DERA: variants seen among roughly 807,000 people sequenced by gnomAD.
DERA encodes 2-deoxy-D-ribose 5-phosphate aldolase.
In DERA, 15 loss-of-function variants were observed where a neutral mutation model predicts 41.1. The observed-to-expected ratio is 0.37, with a 90% CI of 0.24 to 0.56. The LOEUF is 0.56. Among genes scored for constraint, DERA ranks in the 20% least tolerant of loss-of-function variants. The pLI is 0.81. For missense variants in DERA, 396 were observed against 403.4 expected (o/e 0.98, Z 0.16); for synonymous variants, 139 against 137.4 (o/e 1.01, Z -0.08).
rs1253433836 is a variant in DERA, at chr12:16,017,726, T to C, written c.638-14816T>C. Among the ~76,000 whole-genome samples the C allele has an allele frequency of 6.6e-6, 1 of 152,242 alleles. No individual in the cohort carries two copies. Among genetic ancestry groups the C allele is most frequent in the Non-Finnish European group, 1.5e-5 (1 of 68,022 alleles). On this transcript the variant is annotated intron_variant, in intron 6 of 8. Transcript: ENST00000428559. This position sits in a 1 kb window ranked among gnomAD's most constrained non-coding sequence, Gnocchi z 5.5. Reference sequence around the variant, plus strand: ...GCTTAATTTTTTTCCAAGTGTCCCATTGCAGATTGCAAGTATAAGTTAGTG... The same window carrying C: ...GCTTAATTTTTTTCCAAGTGTCCCACTGCAGATTGCAAGTATAAGTTAGTG...
At position 16,032,543 on chromosome 12, in the gene DERA, A is replaced by T; in HGVS notation, c.639A>T (p.Gly213=). Residue 213 remains glycine (G), a splice_region_variant and synonymous_variant, in exon 7 of 9, where the codon GGA becomes GGT. Transcript: ENST00000428559. ...GAGTTTTTCCTCTTTTTGTTTTAGG[A>T]TCAGATTTTATTAAGACCTCTACTG... ...YKASMIAMMA[G]SDFIKTSTGK... is the part of the protein sequence containing the mutation. 1 of 1,474,086 alleles carries T rather than the reference A, an allele frequency of 6.8e-7. No individual in the cohort carries two copies. Among genetic ancestry groups the T allele is most frequent in the South Asian group, 1.3e-5 (1 of 74,506 alleles). 91.3% of individuals were successfully genotyped at this position (1,474,086 alleles called of 1,614,324 possible).
intron 1 of DERA, among the ~76,000 whole-genome samples, chr12:15,920,694 G>A (rs569959358): frequency 8.5e-5 from 13 of 152,312 alleles, no homozygotes; most frequent in African/African-American, 2.4e-4. Context: ...TTAGCTGGGC[G>A]TGGTGGCACA....
intron 2 of DERA, 69 bp from the exon 3 acceptor site, chr12:15,958,119 C>G: frequency 7.5e-7 from 1 of 1,336,142 alleles, no homozygotes; most frequent in South Asian, 1.5e-5. Context: ...CTACTAACCA[C>G]CTGGGTTGGA....
In DERA at chr12:16,000,982, T is replaced by A. The variant is rs1249386898; in HGVS notation, c.637+18546T>A. The stretch of plus-strand genomic sequence containing the variant: ...GCCATTCAAAAATATAAAATAAAAA[T>A]CCTTAAAAGTGCTCTGAGACATTTT... On this transcript the variant is annotated intron_variant, in intron 6 of 8. Transcript: ENST00000428559. This position sits in a 1 kb window ranked among gnomAD's most constrained non-coding sequence, Gnocchi z 4.8. 2.0e-5 allele frequency among the ~76,000 whole-genome samples: 3 copies of A among 152,192 alleles called. No individual in the cohort carries two copies. The East Asian group carries it at 5.8e-4, about 29-fold the overall frequency.
chr12:15,957,863 C>T lies in DERA; in HGVS notation c.130-325C>T, dbSNP rs943693180. ...TCGGAGTTCTTCTTTGTCAGGGTGG[C>T]TCTGATGGGCTCTCCCTTTGGCTGA... On this transcript the variant is annotated intron_variant, in intron 2 of 8. Coordinates refer to ENST00000428559, the MANE Select transcript of DERA (RefSeq NM_015954.4). This position sits in a 1 kb window ranked among gnomAD's most constrained non-coding sequence, Gnocchi z 4.8. Among the ~76,000 whole-genome samples the T allele has an allele frequency of 4.6e-5, 7 of 152,080 alleles. No individual in the cohort carries two copies. Among genetic ancestry groups the T allele is most frequent in the African/African-American group, 1.7e-4 (7 of 41,394 alleles).
chr12:16,034,139 C>T (rs1262700077), intron 7 of DERA, among the ~76,000 whole-genome samples: 2 of 152,210 alleles, frequency 1.3e-5, no homozygotes, highest in Non-Finnish European at 2.9e-5. Context: ...TTGGGTCTGG[C>T]ATAGTCTTCA....
chr12:15,945,972 G>A (rs1948444855), intron 1 of DERA, among the ~76,000 whole-genome samples: 1 of 152,168 alleles, frequency 6.6e-6, no homozygotes, highest in Admixed American at 6.5e-5. Context: ...GGCCTTTTCT[G>A]CATCTATTGA....
chr12:15,981,683 G>T lies in DERA; in HGVS notation c.509-625G>T, dbSNP rs533107443. ...TGTGGTACTGGGGTCATGGGCTCAG[G>T]GGTTAACAGATTTAAGGCAGCATCT... On this transcript the variant is annotated intron_variant, in intron 5 of 8. Transcript: ENST00000428559. The surrounding 1 kb of genome is among the most constrained non-coding windows in gnomAD (Gnocchi z 6.1). Among the ~76,000 whole-genome samples the T allele has an allele frequency of 1.3e-5, 2 of 152,100 alleles. No individual in the cohort carries two copies. Among genetic ancestry groups the T allele is most frequent in the African/African-American group, 4.8e-5 (2 of 41,406 alleles).
At position 16,011,675 on chromosome 12, in the gene DERA, C is replaced by T. The variant is rs1948947818; in HGVS notation, c.638-20867C>T. Reference sequence around the variant, plus strand: ...AGGCATTTGCCTAACATAGCAAATCCCTTCATCAATAAGGTCAGCTATAGG... The same window carrying T: ...AGGCATTTGCCTAACATAGCAAATCTCTTCATCAATAAGGTCAGCTATAGG... On this transcript the variant is annotated intron_variant, in intron 6 of 8. Coordinates refer to ENST00000428559, the MANE Select transcript of DERA (RefSeq NM_015954.4). The surrounding 1 kb of genome is among the most constrained non-coding windows in gnomAD (Gnocchi z 4.7). 6.6e-6 allele frequency among the ~76,000 whole-genome samples: 1 copy of T among 152,046 alleles called. No homozygotes were observed. Among genetic ancestry groups the T allele is most frequent in the Non-Finnish European group, 1.5e-5 (1 of 68,014 alleles).
intron 1 of DERA, among the ~76,000 whole-genome samples, chr12:15,955,296 G>GAAA (rs35293991): frequency 2.2e-5 from 3 of 134,566 alleles, no homozygotes; most frequent in Non-Finnish European, 4.8e-5. Context: ...GACTGTGTCT[G>GAAA]AAAAAAAAAA....
In DERA at chr12:16,000,085, G is replaced by C. The variant is rs141630427; in HGVS notation, c.637+17649G>C. Among the ~76,000 whole-genome samples the C allele has an allele frequency of 2.2e-3, 335 of 152,248 alleles. No individual in the cohort carries two copies. Among genetic ancestry groups the C allele is most frequent in the Non-Finnish European group, 3.4e-3 (229 of 68,014 alleles). On this transcript the variant is annotated intron_variant, in intron 6 of 8. Transcript: ENST00000428559. The surrounding 1 kb of genome is among the most constrained non-coding windows in gnomAD (Gnocchi z 4.8). ...TCGGGGGGCAAATTTGATTGTGCTT[G>C]GTGAGTGATTGCATGCTGAGCAGGG...
intron 5 of DERA, among the ~76,000 whole-genome samples, chr12:15,969,476 T>C (rs1948645596): frequency 6.6e-6 from 1 of 152,218 alleles, no homozygotes; most frequent in South Asian, 2.1e-4. Context: ...TCTGACATTC[T>C]GCAGCATCTT....
intron 6 of DERA, among the ~76,000 whole-genome samples, chr12:16,028,945 C>T (rs1407681127): frequency 6.6e-6 from 1 of 151,964 alleles, no homozygotes; most frequent in African/African-American, 2.4e-5. Flanking sequence ...TTGAGTCATA[C>T]TAAAAAAAAT....
At position 15,967,470 on chromosome 12, in the gene DERA, CCTGA is replaced by C. The variant is rs1236118378; in HGVS notation, c.508+4526_508+4529del. Among the ~76,000 whole-genome samples, 1 of 152,074 alleles carries C rather than the reference CCTGA, an allele frequency of 6.6e-6. No homozygotes were observed. Among genetic ancestry groups the C allele is most frequent in the African/African-American group, 2.4e-5 (1 of 41,398 alleles). ...AACTATTAAAAAGTGTTTTCATTTCCCTGACTTTCTTAACAATTTTTATTAAATA... is the reference window on the plus strand; with the variant it reads ...AACTATTAAAAAGTGTTTTCATTTCCCTTTCTTAACAATTTTTATTAAATA... On this transcript the variant is annotated intron_variant, in intron 5 of 8. Coordinates refer to ENST00000428559, the MANE Select transcript of DERA (RefSeq NM_015954.4). The surrounding 1 kb of genome is among the most constrained non-coding windows in gnomAD (Gnocchi z 4.9).
chr12:15,923,724 A>G (rs1391369530), intron 1 of DERA, among the ~76,000 whole-genome samples: 1 of 146,660 alleles, frequency 6.8e-6, no homozygotes, highest in Non-Finnish European at 1.5e-5. Flanking sequence ...TCATAAAAAT[A>G]TCTTGTGAAT....
rs560301410 is a variant in DERA at position 15,999,839 on chromosome 12, G to C, written c.637+17403G>C. On this transcript the variant is annotated intron_variant, in intron 6 of 8. Transcript: ENST00000428559. The surrounding 1 kb of genome is among the most constrained non-coding windows in gnomAD (Gnocchi z 5.3). ...TGTATGTCAGACACTGGATGACAAA[G>C]ATTATTATGACACCCTCAATCCAGA... Among the ~76,000 whole-genome samples the C allele has an allele frequency of 6.6e-6, 1 of 152,172 alleles. No homozygotes were observed. Among genetic ancestry groups the C allele is most frequent in the Admixed American group, 6.6e-5 (1 of 15,266 alleles).
At position 15,935,067 on chromosome 12, in the gene DERA, T is replaced by C. The variant is rs1948355345; in HGVS notation, c.32-21869T>C. On this transcript the variant is annotated intron_variant, in intron 1 of 8. Coordinates refer to ENST00000428559, the MANE Select transcript of DERA (RefSeq NM_015954.4). This position sits in a 1 kb window ranked among gnomAD's most constrained non-coding sequence, Gnocchi z 4.8. ...CTAACAAAACTCTTTGGAGGAGAGTTTGGAAAAACAATTGACAGACATCAA... is the reference window on the plus strand; with the variant it reads ...CTAACAAAACTCTTTGGAGGAGAGTCTGGAAAAACAATTGACAGACATCAA... Among the ~76,000 whole-genome samples the C allele has an allele frequency of 6.6e-6, 1 of 152,204 alleles. No homozygotes were observed. The highest frequency in any genetic ancestry group is 1.5e-5 in the Non-Finnish European group (1 of 68,036).
At position 16,033,367 on chromosome 12, in the gene DERA, T is replaced by C. The variant is rs570971948; in HGVS notation, c.750+713T>C. Among the ~76,000 whole-genome samples the C allele has an allele frequency of 9.0e-4, 137 of 152,372 alleles. 1 individual carries two copies. The highest frequency in any genetic ancestry group is 3.1e-3 in the African/African-American group (129 of 41,584). On this transcript the variant is annotated intron_variant, in intron 7 of 8. Coordinates refer to ENST00000428559, the MANE Select transcript of DERA (RefSeq NM_015954.4). ...TTTTATGGAAGTTGGATGTGCTCTT[T>C]GGAAGACTGTTAAGCTGAGGAGGGT...
intron 6 of DERA, among the ~76,000 whole-genome samples, chr12:16,002,848 G>A (rs760871438): frequency 5.9e-5 from 9 of 152,090 alleles, no homozygotes; most frequent in Non-Finnish European, 1.2e-4. Context: ...CCTTCCTCAT[G>A]TCATGTCATT....
Sources: gnomAD v4.1 joint callset for allele counts (sites outside exome capture counted in the v4.1 genomes callset) on GRCh38, gnomAD v4.1.1 for gene constraint, Gnocchi (gnomAD v3.1) non-coding constraint, MANE v1.5 for transcripts, NCBI Gene and HGNC (gene_info 2026-07-23, HGNC 2026-07-21) for gene names.